Variants in CHD7 observed in about 807,000 individuals in gnomAD.
The protein encoded by CHD7 is chromodomain helicase DNA binding protein 7.
In CHD7, 24 loss-of-function variants were observed where a neutral mutation model predicts 307.3. The observed-to-expected ratio is 0.08, with a 90% CI of 0.06 to 0.11. The LOEUF is 0.11. Among genes scored for constraint, CHD7 ranks in the 10% least tolerant of loss-of-function variants. CHD7 has a pLI of 1.00. For missense variants in CHD7, 3,106 were observed against 3,727.1 expected (o/e 0.83, Z 4.34); for synonymous variants, 1,363 against 1,349.9 (o/e 1.01, Z -0.21).
chr8:60,849,232 C>G (rs1324856911), intron 25 of CHD7, 78 bp downstream of exon 25: 4 of 884,340 alleles, frequency 4.5e-6, no homozygotes, highest in Non-Finnish European at 7.2e-6. Context: ...TACTCTTTTC[C>G]AAAGTCATAA....
chr8:60,865,900 G>A lies in CHD7; in HGVS notation c.8961G>A (p.Gly2987=), dbSNP rs1586469564. The A allele has an allele frequency of 6.2e-7, 1 of 1,607,892 alleles. No individual in the cohort carries two copies. The highest frequency in any genetic ancestry group is 1.1e-5 in the South Asian group (1 of 89,786). ...AAGAGCTAGACTCACTTGATGGGGGGGATGAAATAGAAAACAATGAAAATG... is the reference window on the plus strand; with the variant it reads ...AAGAGCTAGACTCACTTGATGGGGGAGATGAAATAGAAAACAATGAAAATG... ...QGEELDSLDG[G]DEIENNENDE The change falls in exon 38 of 38, where the codon GGG becomes GGA. Residue 2987 remains glycine (G), a synonymous_variant. Coordinates refer to ENST00000423902, the MANE Select transcript of CHD7 (RefSeq NM_017780.4). The surrounding 1 kb of genome is among the most constrained non-coding windows in gnomAD (Gnocchi z 4.3).
intron 9 of CHD7, among the ~76,000 whole-genome samples, 163 bp from the exon 10 acceptor site, chr8:60,821,625 CAT>C (rs1204830040): frequency 1.3e-5 from 2 of 148,876 alleles, no homozygotes; most frequent in African/African-American, 5.0e-5. Flanking sequence ...CATATATATA[CAT>C]ATGTATATGT....
intron 3 of CHD7, among the ~76,000 whole-genome samples, chr8:60,782,358 T>G (rs1270429757): frequency 1.3e-5 from 2 of 152,226 alleles, no homozygotes; most frequent in African/African-American, 4.8e-5. Flanking sequence ...TTTTTGAGAT[T>G]GCTGCCCTGT....
intron 1 of CHD7, among the ~76,000 whole-genome samples, chr8:60,714,406 G>GCACCCC (rs1807461642): frequency 1.1e-4 from 2 of 17,622 alleles, no homozygotes; most frequent in Admixed American, 7.7e-4. Context: ...CCGGGAGAAG[G>GCACCCC]CCCCCCCCCC....
chr8:60,860,911 C>T lies in CHD7; in HGVS notation c.7616C>T (p.Ala2539Val), dbSNP rs986284106. The stretch of plus-strand genomic sequence containing the variant: ...ATTGTGAACTTTCTGCAGGAGGATG[C>T]TGAGGTGACCAAAGCTTTTGAAGAA... The part of the protein sequence containing the change: ...HKRTSLSAED[A>V]EVTKAFEEDI... The change falls in exon 35 of 38, where the codon GCT (alanine) becomes GTT (valine). Residue 2539 changes from alanine (A) to valine (V), a missense_variant. Ala to Val is a moderately conservative substitution (Grantham distance 64). Transcript: ENST00000423902. 3 of 1,612,158 alleles carry T rather than the reference C, an allele frequency of 1.9e-6. No individual in the cohort carries two copies. The highest frequency in any genetic ancestry group is 2.5e-6 in the Non-Finnish European group (3 of 1,178,876).
intron 13 of CHD7, chr8:60,824,638 A>G (rs1804186760): frequency 6.6e-6 from 1 of 152,356 alleles, no homozygotes; most frequent in Admixed American, 6.5e-5. Context: ...CAAGTTCTCA[A>G]TGAGTTGGGT....
At chr8:60,721,697 G>GATGCTGCCA (rs904115931) in intron 1 of CHD7, among the ~76,000 whole-genome samples, 33 of 152,184 alleles carry the variant, frequency 2.2e-4, no homozygotes, top group Non-Finnish European at 2.6e-4. Context: ...TGATGCTGCC[G>GATGCTGCCA]ATGCTGCCAA....
Position 60,853,491 on chromosome 8 carries a change from C to G in CHD7, c.6766C>G (p.Gln2256Glu), listed in dbSNP as rs748511141. Residue 2256 changes from glutamine (Q) to glutamate (E), a missense_variant, in exon 31 of 38, where the codon CAG becomes GAG. Coordinates refer to ENST00000423902, the MANE Select transcript of CHD7 (RefSeq NM_017780.4). The part of the protein sequence containing the change: ...EDDDKSEESS[Q>E]PEAGAVSRGK... Reference sequence around the variant, plus strand: ...TGACGATAAGTCGGAAGAGTCTTCCCAGCCCGAAGGTAAGGCCTTACCACT... The same window carrying G: ...TGACGATAAGTCGGAAGAGTCTTCCGAGCCCGAAGGTAAGGCCTTACCACT... The G allele has an allele frequency of 3.3e-6, 5 of 1,512,468 alleles. No individual in the cohort carries two copies. The East Asian group carries it at 1.1e-4, about 34-fold the overall frequency. 93.7% of individuals were successfully genotyped at this position (1,512,468 alleles called of 1,614,324 possible).
At chr8:60,842,127 T>A in intron 21 of CHD7, 75 bp downstream of exon 21, 1 of 1,246,388 alleles carries the variant, frequency 8.0e-7, no homozygotes, top group Non-Finnish European at 1.1e-6. Flanking sequence ...AGAGAAAAAC[T>A]ATATTTGTGT....
At position 60,801,651 on chromosome 8, in the gene CHD7, T is replaced by C. The variant is rs540957987; in HGVS notation, c.2442+58T>C. The C allele has an allele frequency of 7.3e-6, 8 of 1,088,850 alleles. No homozygotes were observed. In the East Asian group the frequency reaches 1.6e-4, roughly 21 times the overall value. 67.4% of individuals were successfully genotyped at this position (1,088,850 alleles called of 1,614,324 possible). A position where few individuals can be genotyped will look rare whatever the true frequency, so the allele number is the denominator to read the frequency against. On this transcript the variant is annotated intron_variant, in intron 6 of 37. Coordinates refer to ENST00000423902, the MANE Select transcript of CHD7 (RefSeq NM_017780.4). ...GGTGTATGTGACTCTTACAGGATTG[T>C]TGGCTTTGTAATTTTCTTTTAAAAT...
chr8:60,807,514 C>G (rs1192515544), intron 6 of CHD7, among the ~76,000 whole-genome samples: 1 of 152,210 alleles, frequency 6.6e-6, no homozygotes, highest in East Asian at 1.9e-4. Flanking sequence ...TATAGATAAT[C>G]TTACTACTGA....
chr8:60,827,608 G>T (rs891428860), intron 13 of CHD7, among the ~76,000 whole-genome samples: 1 of 152,106 alleles, frequency 6.6e-6, no homozygotes, highest in Non-Finnish European at 1.5e-5. Context: ...GAAGATGATG[G>T]TCGTCCATGA....
At position 60,713,040 on chromosome 8, in the gene CHD7, ACT is replaced by A. The variant is rs1399208122; in HGVS notation, c.-174-28216_-174-28215del. Among the ~76,000 whole-genome samples, 36 of 103,044 alleles carry A rather than the reference ACT, an allele frequency of 3.5e-4. No individual in the cohort carries two copies. The Admixed American group carries it at 3.8e-3, about 11-fold the overall frequency. 67.6% of individuals were successfully genotyped at this position (103,044 alleles called of 152,430 possible). On this transcript the variant is annotated intron_variant, in intron 1 of 37. Coordinates refer to ENST00000423902, the MANE Select transcript of CHD7 (RefSeq NM_017780.4). ...ACTCCAGCCTGGGCAACAGAGTGAAACTCTGTCTCAAAAAAAAAAAAAAAAAA... is the reference window on the plus strand; with the variant it reads ...ACTCCAGCCTGGGCAACAGAGTGAAACTGTCTCAAAAAAAAAAAAAAAAAA...
chr8:60,746,655 T>A (rs1426031364), intron 2 of CHD7, among the ~76,000 whole-genome samples: 1 of 152,248 alleles, frequency 6.6e-6, no homozygotes, highest in Non-Finnish European at 1.5e-5. Flanking sequence ...ATGTTCTTTA[T>A]GTGTTTCCTG....
chr8:60,846,036 T>A (rs1805195930), intron 23 of CHD7, among the ~76,000 whole-genome samples: 1 of 152,228 alleles, frequency 6.6e-6, no homozygotes, highest in African/African-American at 2.4e-5. Context: ...GTGTCAGAAT[T>A]TCATTCCTGT....
rs1490471505 is a variant in CHD7 at position 60,827,888 on chromosome 8, CTG to C, written c.3379-771_3379-770del. On this transcript the variant is annotated intron_variant, in intron 13 of 37. Coordinates refer to ENST00000423902, the MANE Select transcript of CHD7 (RefSeq NM_017780.4). ...TTCTGAAATAGTTTTGTTAGCTGTG[CTG>C]TGTACCAAATGGCCAAAGTAGAAAA... Among the ~76,000 whole-genome samples the C allele has an allele frequency of 2.0e-5, 3 of 152,020 alleles. No individual in the cohort carries two copies. The East Asian group carries it at 5.8e-4, about 29-fold the overall frequency.
chr8:60,761,339 T>A lies in CHD7; in HGVS notation c.1665+18242T>A, dbSNP rs1222946008. On this transcript the variant is annotated intron_variant, in intron 2 of 37. Transcript: ENST00000423902. Reference sequence around the variant, plus strand: ...GGGGAACATCACACTCTGGGGACTGTTGTGGGGTGGGGGGAGGGGGGAGGG... The same window carrying A: ...GGGGAACATCACACTCTGGGGACTGATGTGGGGTGGGGGGAGGGGGGAGGG... Among the ~76,000 whole-genome samples the A allele has an allele frequency of 1.1e-4, 11 of 103,082 alleles. No homozygotes were observed. In the Admixed American group the frequency reaches 1.2e-3, roughly 11 times the overall value. The allele number at this position is 103,082 out of a possible 152,430, so 67.6% of individuals were successfully genotyped here. A position where few individuals can be genotyped will look rare whatever the true frequency, so the allele number is the denominator to read the frequency against.
At chr8:60,759,321 T>C (rs1810045411) in intron 2 of CHD7, among the ~76,000 whole-genome samples, 1 of 152,186 alleles carries the variant, frequency 6.6e-6, no homozygotes, top group Non-Finnish European at 1.5e-5. Context: ...AGCGAATGGA[T>C]TGGTTTTTGC....
At chr8:60,851,743 A>AGG (rs1327793799) in intron 28 of CHD7, among the ~76,000 whole-genome samples, 1 of 152,212 alleles carries the variant, frequency 6.6e-6, no homozygotes, top group Non-Finnish European at 1.5e-5. Flanking sequence ...CATACATTAG[A>AGG]GGAGAGTACC....
Sources: allele counts gnomAD v4.1 joint callset (sites outside exome capture counted in the v4.1 genomes callset), GRCh38; gene constraint gnomAD v4.1.1; non-coding constraint Gnocchi (gnomAD v3.1); transcripts MANE v1.5; gene names NCBI Gene and HGNC (gene_info 2026-07-23, HGNC 2026-07-21).